Variants in PGBD5 observed in about 807,000 individuals in gnomAD.
PGBD5 encodes piggyBac transposable element derived 5.
PGBD5 carries 14 observed loss-of-function variants against 47.9 expected under a neutral mutation model. The observed-to-expected ratio is 0.29, with a 90% CI of 0.19 to 0.46. PGBD5 has a LOEUF of 0.46. PGBD5 is among the 20% of genes least tolerant of loss of function. The probability of loss-of-function intolerance (pLI) is 1.00; values close to 1 mark genes in which losing one functional copy is unlikely to be tolerated. For missense variants in PGBD5, 635 were observed against 716.0 expected (o/e 0.89, Z 1.29); for synonymous variants, 316 against 306.3 (o/e 1.03, Z -0.33).
chr1:230,326,699 C>T (rs1009954102), intron 5 of PGBD5, among the ~76,000 whole-genome samples: 3 of 152,090 alleles, frequency 2.0e-5, no homozygotes, highest in South Asian at 2.1e-4. Flanking sequence ...TGGTCTCAAA[C>T]TCCTGGCCTT....
chr1:230,399,202 C>T (rs76733556), intron 1 of PGBD5, among the ~76,000 whole-genome samples: 5,944 of 151,974 alleles, frequency 0.039, 198 homozygotes, highest in East Asian at 0.12. Context: ...TATGTAAATA[C>T]GGCCCATGTA....
chr1:230,390,037 C>T (rs74741100), intron 1 of PGBD5, among the ~76,000 whole-genome samples: 2 of 152,128 alleles, frequency 1.3e-5, no homozygotes, highest in African/African-American at 4.8e-5. Flanking sequence ...GAAAAGAGAA[C>T]ACAGCTCTGG....
intron 4 of PGBD5, among the ~76,000 whole-genome samples, chr1:230,334,194 G>T (rs372411918): frequency 6.6e-6 from 1 of 152,218 alleles, no homozygotes. Flanking sequence ...TGCACCCGGA[G>T]GTGCTTTTGA....
chr1:230,373,829 A>G (rs1307262374), intron 1 of PGBD5, among the ~76,000 whole-genome samples: 1 of 152,026 alleles, frequency 6.6e-6, no homozygotes, highest in Non-Finnish European at 1.5e-5. Flanking sequence ...TAGTTGCCGG[A>G]ACTACAGATG....
Position 230,357,643 on chromosome 1 carries a change from C to A in PGBD5, c.332-322G>T, listed in dbSNP as rs1251125526. The stretch of plus-strand genomic sequence containing the variant: ...CTGCAGCCTGCATCTCCACACCAGA[C>A]CGGAGGACAGCCCTCGGGGGGCGCA... On this transcript the variant is annotated intron_variant, in intron 1 of 6. Coordinates refer to ENST00000391860, the MANE Select transcript of PGBD5 (RefSeq NM_001258311.2). The surrounding 1 kb of genome is among the most constrained non-coding windows in gnomAD (Gnocchi z 5.7). Among the ~76,000 whole-genome samples the A allele has an allele frequency of 1.3e-5, 2 of 152,200 alleles. No individual in the cohort carries two copies. The highest frequency in any genetic ancestry group is 2.9e-5 in the Non-Finnish European group (2 of 68,044).
intron 1 of PGBD5, among the ~76,000 whole-genome samples, chr1:230,418,840 AC>A (rs1657582450): frequency 6.6e-6 from 1 of 152,210 alleles, no homozygotes; most frequent in South Asian, 2.1e-4. Context: ...ACACAGGTAT[AC>A]CCATGTAAGA....
At chr1:230,341,024 G>A (rs557524629) in intron 3 of PGBD5, among the ~76,000 whole-genome samples, 7 of 152,274 alleles carry the variant, frequency 4.6e-5, no homozygotes, top group South Asian at 4.1e-4. Flanking sequence ...GCACTGAGCC[G>A]AAGGTCAAAG....
At chr1:230,350,626 G>T (rs558830038) in intron 3 of PGBD5, among the ~76,000 whole-genome samples, 1 of 152,174 alleles carries the variant, frequency 6.6e-6, no homozygotes, top group South Asian at 2.1e-4. Flanking sequence ...TAGAAACCTC[G>T]TATGACCCAC....
chr1:230,358,360 C>G (rs978962687), intron 1 of PGBD5, among the ~76,000 whole-genome samples: 4 of 152,158 alleles, frequency 2.6e-5, no homozygotes, highest in Admixed American at 6.5e-5. Context: ...TTCTGGCTTT[C>G]ATTTTCTGGT....
chr1:230,372,763 A>T (rs1042974196), intron 1 of PGBD5, among the ~76,000 whole-genome samples: 10 of 152,220 alleles, frequency 6.6e-5, no homozygotes, highest in Admixed American at 1.3e-4. Flanking sequence ...CCTGGACAGA[A>T]GATGATCAGA....
chr1:230,354,532 T>C (rs879303073), intron 2 of PGBD5, among the ~76,000 whole-genome samples: 5 of 152,216 alleles, frequency 3.3e-5, no homozygotes, highest in Admixed American at 6.5e-5. Flanking sequence ...ATGTATTCAA[T>C]TTTTTGATAA....
intron 1 of PGBD5, among the ~76,000 whole-genome samples, chr1:230,388,360 T>C (rs889979100): frequency 4.6e-5 from 7 of 151,570 alleles, no homozygotes; most frequent in Non-Finnish European, 1.0e-4. Flanking sequence ...AGACGCGCAC[T>C]GAATCGTCCT....
intron 1 of PGBD5, among the ~76,000 whole-genome samples, chr1:230,412,851 T>C (rs556737932): frequency 6.6e-6 from 1 of 152,290 alleles, no homozygotes; most frequent in East Asian, 1.9e-4. Context: ...GTCAACTGTA[T>C]ATATTTTCGC....
intron 1 of PGBD5, among the ~76,000 whole-genome samples, chr1:230,387,221 T>C (rs1241927456): frequency 6.6e-6 from 1 of 152,160 alleles, no homozygotes; most frequent in Non-Finnish European, 1.5e-5. Context: ...TAACAAGAGA[T>C]GCGCTTTGAA....
intron 3 of PGBD5, among the ~76,000 whole-genome samples, chr1:230,342,726 C>T (rs1452426401): frequency 2.0e-5 from 3 of 152,144 alleles, no homozygotes; most frequent in African/African-American, 7.2e-5. Context: ...GTAAGGATAA[C>T]GTTGCCATAT....
At chr1:230,349,534 CAAAAAAAAAAAA>C (rs11446040) in intron 3 of PGBD5, among the ~76,000 whole-genome samples, 135 of 83,670 alleles carry the variant, frequency 1.6e-3, no homozygotes, top group East Asian at 6.5e-3. Context: ...GACCCCGTCT[CAAAAAAAAAAAA>C]AAAAAAAAAA....
chr1:230,333,802 G>A (rs1340246162), intron 4 of PGBD5, among the ~76,000 whole-genome samples: 1 of 152,248 alleles, frequency 6.6e-6, no homozygotes, highest in Admixed American at 6.5e-5. Flanking sequence ...ACTGGCATGG[G>A]TGGCTGGTGG....
Position 230,425,931 on chromosome 1 carries a change from C to A in PGBD5, c.-3G>T. 2.1e-6 allele frequency: 2 copies of A among 974,450 alleles called. No homozygotes were observed. Among genetic ancestry groups the A allele is most frequent in the Non-Finnish European group, 2.4e-6 (2 of 838,498 alleles). The allele number at this position is 974,450 out of a possible 1,614,324, so 60.4% of individuals were successfully genotyped here. A position where few individuals can be genotyped will look rare whatever the true frequency, so the allele number is the denominator to read the frequency against. On this transcript the variant is annotated 5_prime_UTR_variant, in exon 1 of 7. Coordinates refer to ENST00000391860, the MANE Select transcript of PGBD5 (RefSeq NM_001258311.2). The surrounding 1 kb of genome is among the most constrained non-coding windows in gnomAD (Gnocchi z 4.7). ...GCGCCCCCGCCGCCCTCGGCCATGG[C>A]CCCGGCCGCCGCCCGCGCGCCCGCC... is the stretch of plus-strand genomic sequence containing the variant.
intron 1 of PGBD5, among the ~76,000 whole-genome samples, chr1:230,400,596 CAGG>C (rs1225156212): frequency 2.6e-5 from 4 of 152,218 alleles, no homozygotes; most frequent in Non-Finnish European, 5.9e-5. Context: ...AGAACAGTAG[CAGG>C]AGAAGTGCCA....
Sources: allele counts gnomAD v4.1 joint callset (sites outside exome capture counted in the v4.1 genomes callset), GRCh38; gene constraint gnomAD v4.1.1; non-coding constraint Gnocchi (gnomAD v3.1); transcripts MANE v1.5; gene names NCBI Gene and HGNC (gene_info 2026-07-23, HGNC 2026-07-21).